The following PLXNA4 variants were observed in gnomAD, a reference collection of about 807,000 sequenced individuals.
The protein encoded by PLXNA4 is plexin-A4.
PLXNA4 carries 44 observed loss-of-function variants against 191.8 expected under a neutral mutation model. The ratio of observed to expected loss-of-function variants is 0.23; its 90% confidence interval spans 0.18 to 0.29. The LOEUF is 0.29. Ranked by LOEUF, PLXNA4 falls within the 10% of genes least tolerant of loss-of-function variation. PLXNA4 has a pLI of 1.00. For missense variants in PLXNA4, 1,800 were observed against 2,488.8 expected, an observed-to-expected ratio of 0.72 and a Z score of 5.89; for synonymous variants, 1,082 against 1,009.5, an observed-to-expected ratio of 1.07 and a Z score of -1.36.
chr7:132,630,790 C>T (rs1803478407), intron 2 of PLXNA4, among the ~76,000 whole-genome samples: 1 of 152,164 alleles, frequency 6.6e-6, no homozygotes, highest in Non-Finnish European at 1.5e-5. Context: ...GGATTACAGG[C>T]GTGAGCCACT....
At chr7:132,493,420 G>GA (rs1188578473) in intron 2 of PLXNA4, among the ~76,000 whole-genome samples, 1 of 152,184 alleles carries the variant, frequency 6.6e-6, no homozygotes, top group African/African-American at 2.4e-5. Flanking sequence ...CATTAAATGA[G>GA]AATTTATATG....
chr7:132,179,840 T>C lies in PLXNA4; in HGVS notation c.3721A>G (p.Ser1241Gly). The change falls in exon 20 of 32, where the codon AGC becomes GGC. Residue 1241 changes from serine (S) to glycine (G), a missense_variant. By Grantham distance (56) the Ser-to-Gly change is moderately conservative. Coordinates refer to ENST00000321063, the MANE Select transcript of PLXNA4 (RefSeq NM_020911.2). The part of the protein sequence containing the change: ...DSPLSLPAIV[S>G]IAVAGGLLII... ...AGGAGGCCGCCAGCCACTGCGATGC[T>C]GACGATGGCGGGCAGGCTGAGCGGG... 6.2e-7 allele frequency: 1 copy of C among 1,613,608 alleles called. No homozygotes were observed. Among genetic ancestry groups the C allele is most frequent in the Non-Finnish European group, 8.5e-7 (1 of 1,179,970 alleles).
At chr7:132,149,696 G>A (rs1181918607) in intron 25 of PLXNA4, among the ~76,000 whole-genome samples, 1 of 152,208 alleles carries the variant, frequency 6.6e-6, no homozygotes, top group Non-Finnish European at 1.5e-5. Context: ...CTTCTGAAAT[G>A]TGCAAAGAAT....
intron 8 of PLXNA4, among the ~76,000 whole-genome samples, chr7:132,225,619 C>A (rs1798292340): frequency 6.6e-6 from 1 of 151,190 alleles, no homozygotes; most frequent in African/African-American, 2.4e-5. Context: ...AGAGTCCGCC[C>A]CCCCCCACAG....
intron 9 of PLXNA4, among the ~76,000 whole-genome samples, chr7:132,216,735 C>T (rs1196366234): frequency 6.6e-6 from 1 of 152,178 alleles, no homozygotes; most frequent in Non-Finnish European, 1.5e-5. Flanking sequence ...ACTAAGGACA[C>T]CGTTTACGTC....
chr7:132,606,411 G>T (rs1222768888), intron 2 of PLXNA4, among the ~76,000 whole-genome samples: 1 of 152,214 alleles, frequency 6.6e-6, no homozygotes, highest in Admixed American at 6.5e-5. Context: ...CCTTGAGCAG[G>T]TTAGGGTAAC....
At chr7:132,240,631 A>G (rs1798846233) in intron 5 of PLXNA4, among the ~76,000 whole-genome samples, 1 of 152,230 alleles carries the variant, frequency 6.6e-6, no homozygotes, top group Admixed American at 6.5e-5. Flanking sequence ...CACTAAAGGG[A>G]CAGCATATAT....
chr7:132,345,210 A>G (rs540047213), intron 3 of PLXNA4, among the ~76,000 whole-genome samples: 10 of 152,326 alleles, frequency 6.6e-5, no homozygotes, highest in Non-Finnish European at 1.2e-4. Context: ...TTTGGCAAAC[A>G]TTAGAACCGC....
intron 25 of PLXNA4, among the ~76,000 whole-genome samples, chr7:132,157,437 T>G (rs1446803267): frequency 6.6e-6 from 1 of 152,198 alleles, no homozygotes; most frequent in Non-Finnish European, 1.5e-5. Context: ...CTCCCAGGCT[T>G]TTTAAGGGAG....
At chr7:132,149,726 T>C (rs1312477734) in intron 25 of PLXNA4, among the ~76,000 whole-genome samples, 1 of 152,184 alleles carries the variant, frequency 6.6e-6, no homozygotes, top group Non-Finnish European at 1.5e-5. Context: ...GTTCAGAGTG[T>C]CGTTAGTTGC....
At chr7:132,534,698 C>T (rs1215337723) in intron 1 of PLXNA4, among the ~76,000 whole-genome samples, 1 of 152,316 alleles carries the variant, frequency 6.6e-6, no homozygotes, top group East Asian at 1.9e-4. Context: ...AAAGAAAATA[C>T]TAGAACTTCT....
chr7:132,246,803 TCA>T (rs1491474668), intron 4 of PLXNA4, among the ~76,000 whole-genome samples: 23 of 151,062 alleles, frequency 1.5e-4, no homozygotes, highest in South Asian at 1.3e-3. Flanking sequence ...ATCATCATCA[TCA>T]TCCTCATCAT....
intron 1 of PLXNA4, among the ~76,000 whole-genome samples, chr7:132,516,833 A>T (rs1464791160): frequency 6.6e-6 from 1 of 152,222 alleles, no homozygotes; most frequent in Non-Finnish European, 1.5e-5. Flanking sequence ...ACATGCCTGT[A>T]GTCCCAGCTA....
intron 3 of PLXNA4, among the ~76,000 whole-genome samples, chr7:132,417,621 G>T (rs1247831144): frequency 6.7e-6 from 1 of 149,544 alleles, no homozygotes; most frequent in Non-Finnish European, 1.5e-5. Context: ...ATAGATTAAT[G>T]AATGAATGTA....
intron 3 of PLXNA4, among the ~76,000 whole-genome samples, chr7:132,300,385 C>A (rs1801259062): frequency 6.6e-6 from 1 of 152,132 alleles, no homozygotes; most frequent in African/African-American, 2.4e-5. Flanking sequence ...TTTCTCTAGT[C>A]ATTCTTGATT....
chr7:132,618,699 G>T (rs943302644), intron 2 of PLXNA4, among the ~76,000 whole-genome samples: 2 of 152,176 alleles, frequency 1.3e-5, no homozygotes, highest in African/African-American at 4.8e-5. Context: ...GAAGGTTTAT[G>T]TTGGGAGGAC....
At chr7:132,611,910 A>G (rs1803053662) in intron 2 of PLXNA4, among the ~76,000 whole-genome samples, 1 of 152,076 alleles carries the variant, frequency 6.6e-6, no homozygotes, top group South Asian at 2.1e-4. Flanking sequence ...GAAAGAGTCC[A>G]GGGGCTCCAT....
At chr7:132,293,834 A>T (rs574582916) in intron 4 of PLXNA4, among the ~76,000 whole-genome samples, 1 of 152,194 alleles carries the variant, frequency 6.6e-6, no homozygotes, top group South Asian at 2.1e-4. Context: ...TACAGGTGCT[A>T]GTATGTTTCA....
chr7:132,584,478 A>C (rs186484808), intron 2 of PLXNA4, among the ~76,000 whole-genome samples: 1 of 152,124 alleles, frequency 6.6e-6, no homozygotes, highest in African/African-American at 2.4e-5. Context: ...CAGAAATTCT[A>C]TTTTCATTTC....
Sources: gnomAD v4.1 joint callset for allele counts (sites outside exome capture counted in the v4.1 genomes callset) on GRCh38, gnomAD v4.1.1 for gene constraint, MANE v1.5 for transcripts, NCBI Gene and HGNC (gene_info 2026-07-23, HGNC 2026-07-21) for gene names.